Variants in SIK3 observed in about 807,000 individuals in gnomAD.
The protein encoded by SIK3 is serine/threonine-protein kinase SIK3.
In SIK3, 28 loss-of-function variants were observed where a neutral mutation model predicts 144.2. The ratio of observed to expected loss-of-function variants is 0.19; its 90% confidence interval spans 0.14 to 0.27. SIK3 has a LOEUF of 0.27. Among genes scored for constraint, SIK3 ranks in the 10% least tolerant of loss-of-function variants. SIK3 has a pLI of 1.00. For missense variants in SIK3, 1,319 were observed against 1,776.0 expected, an observed-to-expected ratio of 0.74 and a Z score of 4.62; for synonymous variants, 686 against 676.3, an observed-to-expected ratio of 1.01 and a Z score of -0.22.
chr11:116,924,406 G>C (rs1947164763), intron 4 of SIK3, among the ~76,000 whole-genome samples: 1 of 152,064 alleles, frequency 6.6e-6, no homozygotes, highest in South Asian at 2.1e-4. Flanking sequence ...TGGGTCAGCG[G>C]ACGGAAAATA....
chr11:116,964,458 G>A (rs1233945722), intron 1 of SIK3, among the ~76,000 whole-genome samples: 2 of 152,170 alleles, frequency 1.3e-5, no homozygotes, highest in African/African-American at 4.8e-5. Flanking sequence ...CAGCTGTCAA[G>A]CCTAAGGAAT....
At chr11:116,961,555 A>G (rs888973243) in intron 1 of SIK3, among the ~76,000 whole-genome samples, 1 of 152,246 alleles carries the variant, frequency 6.6e-6, no homozygotes, top group Non-Finnish European at 1.5e-5. Flanking sequence ...CAGTAGGTAA[A>G]GAAAAGATAA....
At chr11:116,933,680 G>A (rs1004490753) in intron 3 of SIK3, among the ~76,000 whole-genome samples, 8 of 151,222 alleles carry the variant, frequency 5.3e-5, no homozygotes, top group Admixed American at 2.6e-4. Context: ...TTGCTGTGTT[G>A]CCCATGTTGG....
At chr11:116,920,374 A>T (rs574023845) in intron 4 of SIK3, among the ~76,000 whole-genome samples, 1 of 151,972 alleles carries the variant, frequency 6.6e-6, no homozygotes, top group African/African-American at 2.4e-5. Flanking sequence ...TGTTGAATTT[A>T]TCTCTCTCAG....
intron 1 of SIK3, among the ~76,000 whole-genome samples, chr11:117,086,490 A>AC (rs1158679195): frequency 6.6e-6 from 1 of 151,910 alleles, no homozygotes; most frequent in Non-Finnish European, 1.5e-5. Context: ...GGAGTTCAAG[A>AC]CCACCCTGGC....
At chr11:116,910,228 G>A (rs565983440) in intron 4 of SIK3, among the ~76,000 whole-genome samples, 1 of 151,888 alleles carries the variant, frequency 6.6e-6, no homozygotes, top group Non-Finnish European at 1.5e-5. Flanking sequence ...TCTAACAAGA[G>A]CTGTTAACGA....
chr11:116,861,358 G>A lies in SIK3; in HGVS notation c.2341C>T (p.Pro781Ser), dbSNP rs2134423550. ...AGATGGTTGTTGGGGTGGTTGGGGGGTGGGCTTGAAGGCTGAATCCTTAAC... is the reference window on the plus strand; with the variant it reads ...AGATGGTTGTTGGGGTGGTTGGGGGATGGGCTTGAAGGCTGAATCCTTAAC... ...QRLRIQPSSP[P>S]PNHPNNHLFR... The change falls in exon 19 of 25, where the codon CCC becomes TCC. Residue 781 changes from proline (P) to serine (S), a missense_variant. This residue lies in a region of SIK3 where 646 missense variants were observed against 763.7 expected (regional missense o/e 0.85). Transcript: ENST00000445177. 3.8e-6 allele frequency: 6 copies of A among 1,597,046 alleles called. No homozygotes were observed. The highest frequency in any genetic ancestry group is 5.1e-6 in the Non-Finnish European group (6 of 1,174,294).
intron 1 of SIK3, among the ~76,000 whole-genome samples, chr11:117,048,351 C>T (rs61905716): frequency 0.16 from 24,700 of 152,140 alleles, 2,125 homozygotes; most frequent in Admixed American, 0.21. Flanking sequence ...ATTATACAGA[C>T]ATAAGGTCAA....
chr11:116,985,983 T>C (rs1950312434), intron 1 of SIK3, among the ~76,000 whole-genome samples: 2 of 152,178 alleles, frequency 1.3e-5, no homozygotes, highest in Non-Finnish European at 2.9e-5. Flanking sequence ...CAACCAGATC[T>C]GGGTTTCTAC....
At chr11:116,914,817 T>A (rs1024138870) in intron 4 of SIK3, among the ~76,000 whole-genome samples, 3 of 152,162 alleles carry the variant, frequency 2.0e-5, no homozygotes, top group Non-Finnish European at 4.4e-5. Context: ...CAGTTACCTT[T>A]TTATTTTCCA....
chr11:116,974,773 G>A (rs1255615908), intron 1 of SIK3, among the ~76,000 whole-genome samples: 1 of 152,182 alleles, frequency 6.6e-6, no homozygotes, highest in Non-Finnish European at 1.5e-5. Context: ...TCAAGTCACA[G>A]GGTATTAAGT....
chr11:116,915,122 A>ATGTGTGTGTGTGTG (rs1423283335), intron 4 of SIK3, among the ~76,000 whole-genome samples: 5 of 100,024 alleles, frequency 5.0e-5, no homozygotes, highest in Admixed American at 9.8e-5. Flanking sequence ...AGGAAGCCAT[A>ATGTGTGTGTGTGTG]TATGTGTGTG....
In SIK3 at chr11:116,863,663, A is replaced by G; in HGVS notation, c.2103+5T>C. 1 of 1,613,866 alleles carries G rather than the reference A, an allele frequency of 6.2e-7. No homozygotes were observed. On this transcript the variant is annotated splice_donor_5th_base_variant and intron_variant, in intron 16 of 24. Coordinates refer to ENST00000445177, the MANE Select transcript of SIK3 (RefSeq NM_001366686.3). The stretch of plus-strand genomic sequence containing the variant: ...TCCAGGGATGCCTGCCACCTCTTCC[A>G]TTACCTGCTGCAGCTGTTTGATGCT...
chr11:116,883,033 T>C (rs1944624343), intron 6 of SIK3, among the ~76,000 whole-genome samples: 1 of 152,218 alleles, frequency 6.6e-6, no homozygotes. Flanking sequence ...AAGGATGCTA[T>C]GCAATACACT....
In SIK3 at chr11:116,844,624, TATATA is replaced by T. The variant is rs1266967072; in HGVS notation, c.*1014_*1018del. The T allele has an allele frequency of 1.1e-4, 4 of 35,140 alleles. No homozygotes were observed. Among genetic ancestry groups the T allele is most frequent in the South Asian group, 4.7e-4 (1 of 2,116 alleles). The allele number at this position is 35,140 out of a possible 1,614,324, so 2.2% of individuals were successfully genotyped here. On this transcript the variant is annotated 3_prime_UTR_variant, in exon 25 of 25. Transcript: ENST00000445177. The stretch of plus-strand genomic sequence containing the variant: ...ATATATATATTATATATATAATATA[TATATA>T]ATATATTATATTATATATTATATAT...
At chr11:117,029,034 G>C (rs772743390) in intron 1 of SIK3, among the ~76,000 whole-genome samples, 1 of 151,584 alleles carries the variant, frequency 6.6e-6, no homozygotes, top group Non-Finnish European at 1.5e-5. Context: ...TCAGCCTCCC[G>C]AGTAGCTGAA....
chr11:116,858,165 A>G lies in SIK3; in HGVS notation c.3300T>C (p.Ser1100=). 6.2e-7 allele frequency: 1 copy of G among 1,614,120 alleles called. No individual in the cohort carries two copies. The highest frequency in any genetic ancestry group is 1.1e-5 in the South Asian group (1 of 91,074). The change falls in exon 21 of 25, where the codon TCT becomes TCC. Residue 1100 remains serine (S), a synonymous_variant. Transcript: ENST00000445177. This position sits in a 1 kb window ranked among gnomAD's most constrained non-coding sequence, Gnocchi z 5.4. ...RQALSYQNAD[S]YHHHTSPQHL... ...GCTGGGGGCTGGTGTGATGGTGATAAGAGTCAGCATTTTGATAAGATAAAG... is the reference window on the plus strand; with the variant it reads ...GCTGGGGGCTGGTGTGATGGTGATAGGAGTCAGCATTTTGATAAGATAAAG...
rs200694060 is a variant in SIK3 at position 116,927,319 on chromosome 11, G to A, written c.516C>T (p.Ile172=). The A allele has an allele frequency of 9.9e-6, 16 of 1,613,962 alleles. No homozygotes were observed. Among genetic ancestry groups the A allele is most frequent in the Middle Eastern group, 1.6e-4 (1 of 6,062 alleles). ...EKEARRKFKQ[I]VTAVYFCHCR... ...AGTGACAAAAATAGACAGCTGTGAC[G>A]ATCTGTTTGAACTTCCGACGTGCCT... The change falls in exon 4 of 25, where the codon ATC becomes ATT. Residue 172 remains isoleucine (I), a synonymous_variant. Transcript: ENST00000445177.
intron 3 of SIK3, among the ~76,000 whole-genome samples, chr11:116,941,912 T>C (rs17120157): frequency 0.072 from 11,028 of 152,234 alleles, 490 homozygotes; most frequent in Middle Eastern, 0.11. Context: ...AGTTTCTCAA[T>C]TCTGTTTGTA....
Sources: gnomAD v4.1 joint callset for allele counts (sites outside exome capture counted in the v4.1 genomes callset) on GRCh38, gnomAD v4.1.1 for gene constraint, gnomAD v4.1.1 regional missense constraint, Gnocchi (gnomAD v3.1) non-coding constraint, MANE v1.5 for transcripts, NCBI Gene and HGNC (gene_info 2026-07-23, HGNC 2026-07-21) for gene names.